Variants in PTPRS observed in about 807,000 individuals in gnomAD.
The protein encoded by PTPRS is receptor-type tyrosine-protein phosphatase S.
Under a neutral mutation model 215.3 loss-of-function variants are expected in PTPRS, and 63 were observed. The observed-to-expected ratio is 0.29, with a 90% CI of 0.24 to 0.36. PTPRS has a LOEUF of 0.36. Ranked by LOEUF, PTPRS falls within the 10% of genes least tolerant of loss-of-function variation. The pLI is 1.00. For missense variants in PTPRS, 2,258 were observed against 2,825.8 expected (o/e 0.80, Z 4.56); for synonymous variants, 1,404 against 1,191.4 (o/e 1.18, Z -3.68).
intron 1 of PTPRS, among the ~76,000 whole-genome samples, chr19:5,313,791 C>G (rs544607867): frequency 6.6e-6 from 1 of 152,152 alleles, no homozygotes; most frequent in South Asian, 2.1e-4. Context: ...AACCCTGCAA[C>G]GTGGTTCTAA....
At chr19:5,247,942 G>A (rs1010305865) in intron 9 of PTPRS, among the ~76,000 whole-genome samples, 3 of 151,786 alleles carry the variant, frequency 2.0e-5, no homozygotes, top group Admixed American at 6.6e-5. Context: ...GATGGAGGGA[G>A]TGGAGGGTAC....
In PTPRS at chr19:5,212,386, C is replaced by T; in HGVS notation, c.4720G>A (p.Val1574Ile). ...PTPFLAFLRR[V>I]KTCNPPDAGP... ...GCATCTGGCGGGTTGCAGGTCTTGA[C>T]TCTCCGCAGGAAAGCCAGGAAGGGC... The change falls in exon 31 of 38, where the codon GTC (valine) becomes ATC (isoleucine). Residue 1574 changes from valine (V) to isoleucine (I), a missense_variant. Physicochemically the swap from Val to Ile is conservative, Grantham distance 29. Transcript: ENST00000262963. 1.2e-6 allele frequency: 2 copies of T among 1,608,474 alleles called. No homozygotes were observed. Among genetic ancestry groups the T allele is most frequent in the Non-Finnish European group, 8.5e-7 (1 of 1,177,422 alleles).
At position 5,210,786 on chromosome 19, in the gene PTPRS, C is replaced by T. The variant is rs145869121; in HGVS notation, c.5254G>A (p.Ala1752Thr). ...DGYRQQKAYIATQGPLAETTE... is the reference protein window; with the variant it reads ...DGYRQQKAYITTQGPLAETTE... ...GTCTCCGCCAGCGGCCCCTGTGTCG[C>T]GATGTAGGCCTTCTGCTGCCTGCAG... The change falls in exon 34 of 38, where the codon GCG becomes ACG. Residue 1752 changes from alanine (A) to threonine (T), a missense_variant. Ala to Thr is a moderately conservative substitution (Grantham distance 58). This residue lies in a region of PTPRS where 927 missense variants were observed against 1,125.9 expected (regional missense o/e 0.82). Coordinates refer to ENST00000262963, the MANE Select transcript of PTPRS (RefSeq NM_002850.4). This position sits in a 1 kb window ranked among gnomAD's most constrained non-coding sequence, Gnocchi z 4.5. 1.1e-5 allele frequency: 17 copies of T among 1,613,814 alleles called. No homozygotes were observed. The highest frequency in any genetic ancestry group is 6.7e-5 in the African/African-American group (5 of 74,926).
At chr19:5,298,920 C>T (rs566367933) in intron 1 of PTPRS, among the ~76,000 whole-genome samples, 57 of 152,324 alleles carry the variant, frequency 3.7e-4, no homozygotes, top group African/African-American at 1.3e-3. Flanking sequence ...GCTTTTCCTC[C>T]CTCACCCCAT....
chr19:5,276,114 C>T (rs1005234759), intron 2 of PTPRS, among the ~76,000 whole-genome samples: 7 of 152,358 alleles, frequency 4.6e-5, no homozygotes, highest in East Asian at 3.9e-4. Context: ...CTGAGCTGAA[C>T]GTGCTCCTTT....
intron 9 of PTPRS, among the ~76,000 whole-genome samples, chr19:5,255,416 A>C (rs1158942242): frequency 6.6e-6 from 1 of 152,154 alleles, no homozygotes; most frequent in East Asian, 1.9e-4. Flanking sequence ...TTTGGAGAAC[A>C]ACCACAGAAC....
chr19:5,332,642 C>G (rs959103695), intron 1 of PTPRS, among the ~76,000 whole-genome samples: 1 of 152,198 alleles, frequency 6.6e-6, no homozygotes, highest in Non-Finnish European at 1.5e-5. Flanking sequence ...TCCCTTTGGA[C>G]TGGTGAAAGG....
chr19:5,229,752 C>A (rs1599536335), intron 14 of PTPRS, 68 bp from the exon 15 acceptor site: 2 of 999,360 alleles, frequency 2.0e-6, no homozygotes, highest in African/African-American at 1.7e-5. Context: ...CTGCCCCGGG[C>A]AGTGCCACTG....
intron 9 of PTPRS, among the ~76,000 whole-genome samples, chr19:5,252,734 C>T (rs56113037): frequency 2.0e-5 from 3 of 151,010 alleles, no homozygotes; most frequent in Non-Finnish European, 4.4e-5. Context: ...ATTAGCCAGG[C>T]GTGGTGGAGG....
intron 37 of PTPRS, among the ~76,000 whole-genome samples, chr19:5,207,162 G>A (rs2040434826): frequency 1.3e-5 from 2 of 152,218 alleles, no homozygotes; most frequent in Admixed American, 1.3e-4. Context: ...TTGGCTCCCT[G>A]CAACCTCTGT....
At chr19:5,336,017 GA>G (rs59078850) in intron 1 of PTPRS, among the ~76,000 whole-genome samples, 99 of 139,702 alleles carry the variant, frequency 7.1e-4, no homozygotes, top group Middle Eastern at 3.6e-3. Context: ...GGAGGAGGAG[GA>G]AAAAAAAAAA....
chr19:5,320,847 C>T (rs370189211), intron 1 of PTPRS, among the ~76,000 whole-genome samples: 20 of 152,308 alleles, frequency 1.3e-4, no homozygotes, highest in African/African-American at 4.8e-4. Context: ...TATCATTATC[C>T]TCATTTTCCA....
chr19:5,278,179 CT>C, intron 2 of PTPRS: 1 of 102,480 alleles, frequency 9.8e-6, no homozygotes, highest in Non-Finnish European at 1.8e-5. Context: ...AATGTAGAAA[CT>C]GCCAAAAAAA....
chr19:5,261,738 G>C (rs962209815), intron 6 of PTPRS, among the ~76,000 whole-genome samples: 2 of 152,214 alleles, frequency 1.3e-5, no homozygotes, highest in Admixed American at 6.5e-5. Flanking sequence ...CATGAGGCAG[G>C]GGTGGGCACT....
intron 4 of PTPRS, among the ~76,000 whole-genome samples, chr19:5,267,016 C>T (rs1213175239): frequency 6.6e-6 from 1 of 152,208 alleles, no homozygotes; most frequent in East Asian, 1.9e-4. Flanking sequence ...GTCACCACAG[C>T]ATCCGTAGCA....
At chr19:5,234,633 G>A (rs542947169) in intron 13 of PTPRS, among the ~76,000 whole-genome samples, 23 of 152,354 alleles carry the variant, frequency 1.5e-4, no homozygotes, top group African/African-American at 5.3e-4. Context: ...CTGTGCCAAA[G>A]GCTCTCTCAG....
intron 6 of PTPRS, among the ~76,000 whole-genome samples, chr19:5,261,552 C>G (rs868551412): frequency 6.6e-6 from 1 of 152,192 alleles, no homozygotes; most frequent in African/African-American, 2.4e-5. Flanking sequence ...GCCCCCTTCT[C>G]TCTGCTGCTG....
Position 5,210,344 on chromosome 19 carries a change from G to A in PTPRS, c.5487+125C>T, listed in dbSNP as rs977390991. On this transcript the variant is annotated intron_variant, in intron 35 of 37. Transcript: ENST00000262963. The surrounding 1 kb of genome is among the most constrained non-coding windows in gnomAD (Gnocchi z 4.5). ...GAAGCAAGTGGCCAACTGGTCAGCT[G>A]ACACTTCTCCTGATTCCCAATGCTT... 7.1e-7 allele frequency: 1 copy of A among 1,412,276 alleles called. No homozygotes were observed. Among genetic ancestry groups the A allele is most frequent in the Non-Finnish European group, 9.8e-7 (1 of 1,025,394 alleles). 87.5% of individuals were successfully genotyped at this position (1,412,276 alleles called of 1,614,324 possible). A position where few individuals can be genotyped will look rare whatever the true frequency, so the allele number is the denominator to read the frequency against.
chr19:5,223,207 T>C lies in PTPRS; in HGVS notation c.2585A>G (p.Gln862Arg). The C allele has an allele frequency of 6.5e-7, 1 of 1,528,026 alleles. No individual in the cohort carries two copies. Among genetic ancestry groups the C allele is most frequent in the Non-Finnish European group, 8.8e-7 (1 of 1,137,258 alleles). 94.7% of individuals were successfully genotyped at this position (1,528,026 alleles called of 1,614,324 possible). A position where few individuals can be genotyped will look rare whatever the true frequency, so the allele number is the denominator to read the frequency against. ...WEPPAGTAED[Q>R]VLGYRLQFGR... ...AAACTGCAGGCGGTAGCCCAGCACC[T>C]GGTCCTCCGCGGTGCCAGCCGGGGG... Residue 862 changes from glutamine (Q) to arginine (R), a missense_variant, in exon 18 of 38, where the codon CAG becomes CGG. This residue lies in a region of PTPRS where 361 missense variants were observed against 332.6 expected (regional missense o/e 1.09). Transcript: ENST00000262963.
Sources: gnomAD v4.1 joint callset for allele counts (sites outside exome capture counted in the v4.1 genomes callset) on GRCh38, gnomAD v4.1.1 for gene constraint, gnomAD v4.1.1 regional missense constraint, Gnocchi (gnomAD v3.1) non-coding constraint, MANE v1.5 for transcripts, NCBI Gene and HGNC (gene_info 2026-07-23, HGNC 2026-07-21) for gene names.